The following DHX35 variants were observed in gnomAD, a reference collection of about 807,000 sequenced individuals.
The protein encoded by DHX35 is DEAH-box helicase 35.
In DHX35, 84 loss-of-function variants were observed where a neutral mutation model predicts 99.6. That is an observed-to-expected ratio of 0.84 (90% CI 0.71 to 1.01). DHX35 has a LOEUF of 1.01. Ranked by LOEUF, DHX35 falls within the 50% of genes least tolerant of loss-of-function variation. The pLI is 0.00. For synonymous variants in DHX35, 331 were observed against 316.2 expected (o/e 1.05, Z -0.50); for missense variants, 852 against 888.5 (o/e 0.96, Z 0.52).
chr20:39,030,655 C>T (rs995172943), intron 19 of DHX35, 49 bp from the exon 20 acceptor site: 2 of 1,536,482 alleles, frequency 1.3e-6, no homozygotes, highest in East Asian at 2.2e-5. Context: ...GAAAGTCTTG[C>T]TATAAGTATT....
intron 3 of DHX35, among the ~76,000 whole-genome samples, chr20:38,977,310 CATT>C (rs2086096247): frequency 1.3e-5 from 2 of 152,172 alleles, no homozygotes; most frequent in African/African-American, 4.8e-5. Context: ...GGTGGTATCT[CATT>C]GTGGTTTTGA....
At chr20:38,968,979 A>C in intron 1 of DHX35, 102 bp from the exon 2 acceptor site, 3 of 1,317,054 alleles carry the variant, frequency 2.3e-6, no homozygotes, top group Non-Finnish European at 2.0e-6. Context: ...GATAAAAAGT[A>C]TTGCTTCTTC....
intron 21 of DHX35, among the ~76,000 whole-genome samples, chr20:39,034,917 C>T (rs144771224): frequency 6.6e-6 from 1 of 151,790 alleles, no homozygotes; most frequent in Admixed American, 6.6e-5. Flanking sequence ...CAGGCCTGGC[C>T]TGAGCTAATT....
intron 20 of DHX35, among the ~76,000 whole-genome samples, 170 bp downstream of exon 20, chr20:39,030,945 C>T (rs541822876): frequency 5.9e-4 from 90 of 152,262 alleles, no homozygotes; most frequent in Non-Finnish European, 1.1e-3. Context: ...GGCAGGTCAC[C>T]TGAGGTCAGG....
chr20:38,965,907 G>A (rs1359001523), intron 1 of DHX35, among the ~76,000 whole-genome samples: 3 of 152,174 alleles, frequency 2.0e-5, no homozygotes, highest in African/African-American at 4.8e-5. Flanking sequence ...TGTGCATGAC[G>A]AAAACTTTAC....
chr20:39,027,372 A>T (rs1267905485), intron 18 of DHX35, among the ~76,000 whole-genome samples: 1 of 152,246 alleles, frequency 6.6e-6, no homozygotes, highest in Non-Finnish European at 1.5e-5. Context: ...ATAAAGATTA[A>T]AAACTTTATT....
intron 8 of DHX35, among the ~76,000 whole-genome samples, chr20:39,001,195 A>G (rs748271821): frequency 4.6e-5 from 7 of 152,164 alleles, no homozygotes; most frequent in Non-Finnish European, 7.3e-5. Context: ...TCACTACTGT[A>G]GGGCGTGTAA....
At chr20:38,975,754 G>A (rs190023351) in intron 3 of DHX35, among the ~76,000 whole-genome samples, 56 of 152,298 alleles carry the variant, frequency 3.7e-4, no homozygotes, top group African/African-American at 1.3e-3. Flanking sequence ...TCATCATTGG[G>A]CCTTAGGCTG....
chr20:38,993,700 T>C (rs1489722631), intron 7 of DHX35, among the ~76,000 whole-genome samples: 5 of 151,404 alleles, frequency 3.3e-5, no homozygotes, highest in African/African-American at 7.3e-5. Flanking sequence ...TTTTTTTTTT[T>C]CACGTTGGCT....
At chr20:38,969,618 G>T (rs2085963696) in intron 2 of DHX35, among the ~76,000 whole-genome samples, 1 of 152,196 alleles carries the variant, frequency 6.6e-6, no homozygotes, top group Non-Finnish European at 1.5e-5. Context: ...GGAATATGAG[G>T]TTGTTTCTGC....
chr20:39,036,044 G>A (rs1229849001), intron 21 of DHX35, among the ~76,000 whole-genome samples: 1 of 152,222 alleles, frequency 6.6e-6, no homozygotes, highest in Non-Finnish European at 1.5e-5. Context: ...CAGGTGGAAA[G>A]CAGCAGACTT....
chr20:38,978,003 T>C, intron 3 of DHX35: 1 of 705,516 alleles, frequency 1.4e-6, no homozygotes, highest in Non-Finnish European at 2.6e-6. Flanking sequence ...CAGATCACCT[T>C]CCAGATATAC....
At chr20:38,988,601 GCCT>G (rs2086284601) in intron 4 of DHX35, among the ~76,000 whole-genome samples, 1 of 152,138 alleles carries the variant, frequency 6.6e-6, no homozygotes, top group Non-Finnish European at 1.5e-5. Flanking sequence ...CTGCCCTCCA[GCCT>G]GGGTGACAGA....
intron 17 of DHX35, 62 bp from the exon 18 acceptor site, chr20:39,025,167 CA>C: frequency 6.5e-7 from 1 of 1,527,540 alleles, no homozygotes; most frequent in Admixed American, 2.0e-5. Context: ...ATGATCTTTA[CA>C]ACATAGCCTT....
chr20:38,997,181 G>T (rs747520864), intron 8 of DHX35, among the ~76,000 whole-genome samples: 4 of 151,734 alleles, frequency 2.6e-5, no homozygotes, highest in Non-Finnish European at 4.4e-5. Context: ...AGTGATTCTC[G>T]TGCTTCAGCC....
At chr20:39,037,533 C>A (rs965385206) in intron 21 of DHX35, among the ~76,000 whole-genome samples, 3 of 152,100 alleles carry the variant, frequency 2.0e-5, no homozygotes, top group Non-Finnish European at 4.4e-5. Context: ...TTTTCAGGGC[C>A]TGCAGTTCTC....
rs2086946779 is a variant in DHX35 at position 39,025,745 on chromosome 20, T to C, written c.1801+386T>C. 2.6e-5 allele frequency among the ~76,000 whole-genome samples: 4 copies of C among 152,346 alleles called. No individual in the cohort carries two copies. In the South Asian group the frequency reaches 8.3e-4, roughly 32 times the overall value. On this transcript the variant is annotated intron_variant, in intron 18 of 21. Transcript: ENST00000252011. ...TAAATTTTATATTCAAAGACAAGTATTATTAAAGCAAGTGCTGGATATTTA... is the reference window on the plus strand; with the variant it reads ...TAAATTTTATATTCAAAGACAAGTACTATTAAAGCAAGTGCTGGATATTTA...
intron 3 of DHX35, among the ~76,000 whole-genome samples, chr20:38,982,265 G>A (rs59261721): frequency 1.3e-5 from 2 of 152,146 alleles, no homozygotes; most frequent in Admixed American, 1.3e-4. Flanking sequence ...AATAGTTTCA[G>A]AATTGCTAAC....
chr20:39,016,265 C>A (rs1320882333), intron 14 of DHX35, among the ~76,000 whole-genome samples: 1 of 152,116 alleles, frequency 6.6e-6, no homozygotes, highest in Non-Finnish European at 1.5e-5. Flanking sequence ...ATTACTCACC[C>A]TGGGTAAGGG....
Sources: gnomAD v4.1 joint callset for allele counts (sites outside exome capture counted in the v4.1 genomes callset) on GRCh38, gnomAD v4.1.1 for gene constraint, MANE v1.5 for transcripts, NCBI Gene and HGNC (gene_info 2026-07-23, HGNC 2026-07-21) for gene names.